The following VPS13B variants were observed in gnomAD, a reference collection of about 807,000 sequenced individuals.
VPS13B encodes the protein intermembrane lipid transfer protein VPS13B.
In VPS13B, 285 loss-of-function variants were observed where a neutral mutation model predicts 426.4. The observed-to-expected ratio is 0.67, with a 90% CI of 0.61 to 0.74. The LOEUF (loss-of-function observed/expected upper bound fraction) is 0.74, where lower values mean the gene tolerates loss of function less well. VPS13B is among the 30% of genes least tolerant of loss of function. VPS13B has a pLI of 0.00. For missense variants in VPS13B, 4,537 were observed against 4,782.6 expected, an observed-to-expected ratio of 0.95 and a Z score of 1.51; for synonymous variants, 1,676 against 1,676.4, an observed-to-expected ratio of 1.00 and a Z score of 0.01.
intron 19 of VPS13B, among the ~76,000 whole-genome samples, chr8:99,369,965 T>C (rs1813091788): frequency 6.6e-6 from 1 of 152,220 alleles, no homozygotes; most frequent in Admixed American, 6.5e-5. Context: ...TCATTAGTAA[T>C]CACAGTGTGT....
intron 19 of VPS13B, among the ~76,000 whole-genome samples, chr8:99,294,312 T>C (rs1489500392): frequency 8.6e-6 from 1 of 116,416 alleles, no homozygotes; most frequent in African/African-American, 3.4e-5. Context: ...ACACCGCATA[T>C]TCTCACTCAT....
chr8:99,801,630 G>T (rs953391960), intron 43 of VPS13B, among the ~76,000 whole-genome samples: 2 of 151,930 alleles, frequency 1.3e-5, no homozygotes, highest in Non-Finnish European at 2.9e-5. Flanking sequence ...ACATTCTCTG[G>T]TCCAACTTTT....
chr8:99,169,820 T>G (rs751481786), intron 15 of VPS13B, among the ~76,000 whole-genome samples: 2 of 152,070 alleles, frequency 1.3e-5, no homozygotes, highest in Non-Finnish European at 2.9e-5. Context: ...CAGTGATCTT[T>G]CAGGGATGTG....
chr8:99,020,162 T>A (rs1841815684), intron 2 of VPS13B, among the ~76,000 whole-genome samples: 1 of 152,118 alleles, frequency 6.6e-6, no homozygotes, highest in Non-Finnish European at 1.5e-5. Flanking sequence ...TTTTTTTTTT[T>A]TAAATATAGC....
intron 35 of VPS13B, chr8:99,696,911 G>A (rs919529025): frequency 1.4e-5 from 10 of 740,150 alleles, no homozygotes; most frequent in Admixed American, 3.6e-5. Flanking sequence ...ATGTGACTGC[G>A]CTCCATAAAG....
At chr8:99,349,332 C>CCAAAAA (rs1811732108) in intron 19 of VPS13B, among the ~76,000 whole-genome samples, 2 of 47,732 alleles carry the variant, frequency 4.2e-5, no homozygotes, top group African/African-American at 2.0e-4. Context: ...GACTCCGTCT[C>CCAAAAA]AAAAAAAAAA....
chr8:99,156,844 C>A, intron 15 of VPS13B, 101 bp downstream of exon 15: 1 of 1,086,168 alleles, frequency 9.2e-7, no homozygotes, highest in Non-Finnish European at 1.4e-6. Flanking sequence ...AGAAATAGTA[C>A]TCTAAAAGGT....
chr8:99,301,363 G>A (rs912349065), intron 19 of VPS13B, among the ~76,000 whole-genome samples: 1 of 146,940 alleles, frequency 6.8e-6, no homozygotes, highest in Non-Finnish European at 1.5e-5. Flanking sequence ...GCGCAATCTC[G>A]GCTCACCGCA....
intron 43 of VPS13B, 139 bp from the exon 44 acceptor site, chr8:99,809,236 G>T: frequency 1.9e-6 from 2 of 1,053,726 alleles, no homozygotes; most frequent in South Asian, 2.7e-5. Flanking sequence ...GTTGGAAGTG[G>T]ATGAATAATG....
chr8:99,064,963 TAAAG>T (rs959574492), intron 3 of VPS13B, among the ~76,000 whole-genome samples: 12 of 152,166 alleles, frequency 7.9e-5, no homozygotes, highest in African/African-American at 2.7e-4. Context: ...TCAACATTCT[TAAAG>T]AAAAGAATTT....
intron 25 of VPS13B, among the ~76,000 whole-genome samples, chr8:99,495,575 C>G (rs920749122): frequency 6.6e-6 from 1 of 152,164 alleles, no homozygotes; most frequent in Non-Finnish European, 1.5e-5. Flanking sequence ...TGTCCTCTGA[C>G]AAAGACATTT....
chr8:99,024,696 T>A (rs1842051726), intron 2 of VPS13B, among the ~76,000 whole-genome samples: 1 of 152,264 alleles, frequency 6.6e-6, no homozygotes, highest in African/African-American at 2.4e-5. Context: ...CTGTTTTGAT[T>A]ACTATAGCTT....
At chr8:99,482,874 A>T (rs1211847352) in intron 25 of VPS13B, among the ~76,000 whole-genome samples, 4 of 152,146 alleles carry the variant, frequency 2.6e-5, no homozygotes, top group Non-Finnish European at 5.9e-5. Flanking sequence ...AATCCCAATA[A>T]TGATACACAA....
At chr8:99,764,479 T>C (rs1025698287) in intron 39 of VPS13B, among the ~76,000 whole-genome samples, 2 of 148,520 alleles carry the variant, frequency 1.3e-5, no homozygotes, top group Non-Finnish European at 3.0e-5. Context: ...AGTGGCGCGA[T>C]CTTGGCTCAT....
At chr8:99,416,359 G>T (rs964386554) in intron 21 of VPS13B, among the ~76,000 whole-genome samples, 5 of 152,170 alleles carry the variant, frequency 3.3e-5, no homozygotes, top group Non-Finnish European at 4.4e-5. Flanking sequence ...TGGGCTCCGT[G>T]GGGGTGGGAT....
chr8:99,653,610 ATG>A (rs1428236370), intron 34 of VPS13B, among the ~76,000 whole-genome samples: 5 of 152,178 alleles, frequency 3.3e-5, no homozygotes, highest in African/African-American at 7.2e-5. Context: ...AGCACATAAA[ATG>A]AATTAAAAGG....
intron 31 of VPS13B, among the ~76,000 whole-genome samples, chr8:99,567,469 T>C (rs1461223256): frequency 6.7e-6 from 1 of 148,934 alleles, no homozygotes; most frequent in African/African-American, 2.4e-5. Flanking sequence ...GCAGGAAAGT[T>C]TTTGTTGGTG....
intron 30 of VPS13B, among the ~76,000 whole-genome samples, chr8:99,540,707 A>T (rs1238877282): frequency 2.0e-5 from 3 of 152,172 alleles, no homozygotes; most frequent in African/African-American, 7.2e-5. Flanking sequence ...AATATTCTAT[A>T]TTATCTCAGT....
intron 43 of VPS13B, among the ~76,000 whole-genome samples, chr8:99,804,836 A>C (rs1813307484): frequency 1.3e-5 from 2 of 152,064 alleles, no homozygotes; most frequent in Admixed American, 6.6e-5. Context: ...TACAAAAAAT[A>C]GAAAAATTTG....
Sources: gnomAD v4.1 joint callset for allele counts (sites outside exome capture counted in the v4.1 genomes callset) on GRCh38, gnomAD v4.1.1 for gene constraint, MANE v1.5 for transcripts, NCBI Gene and HGNC (gene_info 2026-07-23, HGNC 2026-07-21) for gene names.